The following TENM2 variants were observed in gnomAD, a reference collection of about 807,000 sequenced individuals.
The protein encoded by TENM2 is teneurin-2.
In TENM2, 52 loss-of-function variants were observed where a neutral mutation model predicts 245.2. The ratio of observed to expected loss-of-function variants is 0.21; its 90% CI spans 0.17 to 0.27. The LOEUF (loss-of-function observed/expected upper bound fraction) is 0.27. Among genes scored for constraint, TENM2 ranks in the 10% least tolerant of loss-of-function variants. The pLI is 1.00. For missense variants in TENM2, 3,046 were observed against 3,666.8 expected, an observed-to-expected ratio of 0.83 and a Z score of 4.37; for synonymous variants, 1,363 against 1,438.9, an observed-to-expected ratio of 0.95 and a Z score of 1.19.
At chr5:167,244,768 A>G in the TENM2 span, among the ~76,000 whole-genome samples, 1 of 152,080 alleles carries the variant, frequency 6.6e-6, no homozygotes, top group Non-Finnish European at 1.5e-5. Flanking sequence ...AGGGGTAGAG[A>G]GCCTTATTTC....
chr5:167,960,057 T>C (rs1352276604), intron 4 of TENM2, among the ~76,000 whole-genome samples: 1 of 152,226 alleles, frequency 6.6e-6, no homozygotes, highest in Non-Finnish European at 1.5e-5. Flanking sequence ...GCCTGTTCCT[T>C]CCTCTGGAAG....
At chr5:167,355,090 A>C (rs2127239561) in intron 1 of TENM2, among the ~76,000 whole-genome samples, 1 of 152,318 alleles carries the variant, frequency 6.6e-6, no homozygotes, top group East Asian at 1.9e-4. Flanking sequence ...GATCCCCAAA[A>C]GCAAGGACAC....
intron 2 of TENM2, among the ~76,000 whole-genome samples, chr5:167,449,063 T>C (rs1161005397): frequency 6.6e-6 from 1 of 150,556 alleles, no homozygotes; most frequent in African/African-American, 2.4e-5. Context: ...AAAAAAAAAA[T>C]TGGTATGCAA....
At chr5:167,334,958 T>C (rs1207727761) in intron 1 of TENM2, among the ~76,000 whole-genome samples, 1 of 152,198 alleles carries the variant, frequency 6.6e-6, no homozygotes, top group Non-Finnish European at 1.5e-5. Flanking sequence ...TATTGCCAGA[T>C]CAGAACCTCT....
At chr5:167,513,369 A>T (rs1374270366) in intron 2 of TENM2, among the ~76,000 whole-genome samples, 1 of 152,182 alleles carries the variant, frequency 6.6e-6, no homozygotes, top group East Asian at 1.9e-4. Flanking sequence ...AAAATTCGGT[A>T]AAAGGAAACA....
At chr5:167,222,822 C>G in the TENM2 span, among the ~76,000 whole-genome samples, 3 of 152,096 alleles carry the variant, frequency 2.0e-5, no homozygotes, top group African/African-American at 2.4e-5. Context: ...ATTGCAAAAG[C>G]TGCTTCAAAT....
chr5:168,062,108 T>A, exon 7 of TENM2: 1 of 1,613,076 alleles, frequency 6.2e-7, no homozygotes, highest in Non-Finnish European at 8.5e-7. Flanking sequence ...GAAGCAGAAG[T>A]TGGTCGGCGG....
chr5:167,453,352 C>A (rs911827611), intron 2 of TENM2, among the ~76,000 whole-genome samples: 3 of 152,138 alleles, frequency 2.0e-5, no homozygotes, highest in African/African-American at 7.2e-5. Flanking sequence ...AATCTGTCAT[C>A]TCCTCTAATT....
At chr5:167,639,329 T>C (rs1779411560) in intron 2 of TENM2, among the ~76,000 whole-genome samples, 1 of 152,216 alleles carries the variant, frequency 6.6e-6, no homozygotes, top group African/African-American at 2.4e-5. Flanking sequence ...TATGTGTGTG[T>C]ATGCTCATTT....
chr5:167,817,237 G>A (rs952880011), intron 2 of TENM2, among the ~76,000 whole-genome samples: 2 of 152,194 alleles, frequency 1.3e-5, no homozygotes, highest in South Asian at 2.1e-4. Flanking sequence ...AGGAGAAAAT[G>A]TTGTAGAATC....
chr5:167,330,498 A>T (rs947446307), intron 1 of TENM2, among the ~76,000 whole-genome samples: 1 of 152,100 alleles, frequency 6.6e-6, no homozygotes, highest in African/African-American at 2.4e-5. Context: ...AGCTTTCAAA[A>T]GGCAGAGTGA....
chr5:168,156,342 A>G (rs78096568), intron 12 of TENM2, among the ~76,000 whole-genome samples: 4,941 of 150,500 alleles, frequency 0.033, 313 homozygotes, highest in African/African-American at 0.11. Flanking sequence ...AAGCAGGGAC[A>G]TCTGGCTTCT....
chr5:167,136,814 A>AT, the TENM2 span, among the ~76,000 whole-genome samples: 5 of 152,186 alleles, frequency 3.3e-5, no homozygotes, highest in African/African-American at 1.2e-4. Context: ...CATATGATAC[A>AT]TCTCATATTG....
rs57053799 is a variant in TENM2 at position 167,459,911 on chromosome 5, AACAC to A, written c.502+84459_502+84462del. ...CTGCATTTCCTTGTATATAAAGATA[AACAC>A]ACACACACACACACACACACGCACA... On this transcript the variant is annotated intron_variant, in intron 2 of 28. Coordinates refer to ENST00000518659, the Ensembl canonical transcript of TENM2. Among the ~76,000 whole-genome samples, 896 of 149,660 alleles carry A rather than the reference AACAC, an allele frequency of 6.0e-3. 20 individuals are homozygous for A. The South Asian group carries it at 0.08, about 13-fold the overall frequency.
chr5:168,240,293 A>G (rs1562323376), intron 25 of TENM2, among the ~76,000 whole-genome samples: 1 of 152,216 alleles, frequency 6.6e-6, no homozygotes, highest in East Asian at 1.9e-4. Flanking sequence ...GAGCCAGCCG[A>G]GCAGCAGAGC....
At chr5:167,676,907 A>G (rs116590482) in intron 2 of TENM2, among the ~76,000 whole-genome samples, 1 of 152,240 alleles carries the variant, frequency 6.6e-6, no homozygotes, top group African/African-American at 2.4e-5. Flanking sequence ...AGTCAAGCTA[A>G]TTGAACTATA....
chr5:167,585,052 T>G (rs1026507955), intron 2 of TENM2, among the ~76,000 whole-genome samples: 8 of 152,168 alleles, frequency 5.3e-5, no homozygotes, highest in African/African-American at 1.7e-4. Context: ...ATGTATGGAT[T>G]AAAAGAAGAT....
chr5:167,090,215 A>C, the TENM2 span, among the ~76,000 whole-genome samples: 1 of 150,818 alleles, frequency 6.6e-6, no homozygotes, highest in South Asian at 2.1e-4. Flanking sequence ...TAAAACAAAT[A>C]GTTAATTCAA....
chr5:168,008,510 T>C (rs1303943910), intron 5 of TENM2, among the ~76,000 whole-genome samples: 1 of 152,044 alleles, frequency 6.6e-6, no homozygotes, highest in Non-Finnish European at 1.5e-5. Flanking sequence ...GGATTCAGGA[T>C]AGATTGGGAG....
Sources: allele counts gnomAD v4.1 joint callset (sites outside exome capture counted in the v4.1 genomes callset), GRCh38; gene constraint gnomAD v4.1.1; transcripts MANE v1.5; gene names NCBI Gene and HGNC (gene_info 2026-07-23, HGNC 2026-07-21).